Variants in DMD observed in about 807,000 individuals in gnomAD.
DMD encodes dystrophin, also known as mutant dystrophin.
In DMD, 63 loss-of-function variants were observed where a neutral mutation model predicts 330.1. The ratio of observed to expected loss-of-function variants is 0.19; its 90% confidence interval spans 0.16 to 0.24. The LOEUF is 0.24. Ranked by LOEUF, DMD falls within the 10% of genes least tolerant of loss-of-function variation. The probability of loss-of-function intolerance (pLI) is 1.00; values close to 1 mark genes in which losing one functional copy is unlikely to be tolerated. For missense variants in DMD, 3,344 were observed against 2,684.1 expected, an observed-to-expected ratio of 1.25 and a Z score of -5.43; for synonymous variants, 1,223 against 959.8, an observed-to-expected ratio of 1.27 and a Z score of -5.07.
In DMD at chrX:31,444,489, G is replaced by A. The variant is rs749533073; in HGVS notation, c.9076C>T (p.Leu3026Phe). The A allele has an allele frequency of 6.6e-6, 8 of 1,209,798 alleles. No homozygotes were observed. In the South Asian group the frequency reaches 1.4e-4, roughly 21 times the overall value. Reference protein sequence around the residue: ...TLEDLNTRWKLLQVAVEDRVR... With the variant: ...TLEDLNTRWKFLQVAVEDRVR... ...GTTTACAATGTGCTTACCTGCAGAAGCTTCCATCTGGTGTTCAGGTCTTCC... is the reference window on the plus strand; with the variant it reads ...GTTTACAATGTGCTTACCTGCAGAAACTTCCATCTGGTGTTCAGGTCTTCC... Residue 3026 changes from leucine to phenylalanine, a missense_variant, in exon 60 of 79, where the codon CTT (leucine) becomes TTT (phenylalanine). Transcript: ENST00000357033.
At chrX:32,204,298 A>C (rs1407763303) in intron 44 of DMD, among the ~76,000 whole-genome samples, 1 of 112,242 alleles carries the variant, frequency 8.9e-6, no homozygotes, top group Non-Finnish European at 1.9e-5. Context: ...TTATAAGAAT[A>C]CCTTTTCTAC....
chrX:32,820,485 AGCAAGT>A lies in DMD; in HGVS notation c.357+2804_357+2809del, dbSNP rs1419267280. On this transcript the variant is annotated intron_variant, in intron 5 of 78. Transcript: ENST00000357033. ...AATAATAATAAATGAACAACTTGCAAGCAAGTGAAGAAATTATCAGACATAATAGTC... is the reference window on the plus strand; with the variant it reads ...AATAATAATAAATGAACAACTTGCAAGAAGAAATTATCAGACATAATAGTC... Among the ~76,000 whole-genome samples the A allele has an allele frequency of 2.7e-5, 3 of 112,140 alleles. No homozygotes were observed. The East Asian group carries it at 8.4e-4, about 31-fold the overall frequency.
At chrX:32,964,814 A>T (rs1431947829) in intron 2 of DMD, among the ~76,000 whole-genome samples, 3 of 112,508 alleles carry the variant, frequency 2.7e-5, no homozygotes, top group African/African-American at 9.7e-5. Flanking sequence ...CTCATAATGA[A>T]ATAATCAATC....
At chrX:32,929,322 T>C (rs376126582) in intron 2 of DMD, among the ~76,000 whole-genome samples, 1 of 111,432 alleles carries the variant, frequency 9.0e-6, no homozygotes, top group African/African-American at 3.3e-5. Context: ...GTGTGCAGTG[T>C]AGCAGAGCTG....
intron 74 of DMD, among the ~76,000 whole-genome samples, chrX:31,159,464 G>C (rs1003639085): frequency 9.0e-6 from 1 of 111,559 alleles, no homozygotes; most frequent in Non-Finnish European, 1.9e-5. Flanking sequence ...AAAATAAAAT[G>C]GGTGAGTTTA....
intron 29 of DMD, among the ~76,000 whole-genome samples, chrX:32,427,260 G>A (rs73467634): frequency 9.0e-6 from 1 of 111,160 alleles, no homozygotes; most frequent in Non-Finnish European, 1.9e-5. Context: ...AACGGTGTTG[G>A]GTAGCTTTGA....
chrX:32,335,889 T>A (rs1442048111), intron 41 of DMD, among the ~76,000 whole-genome samples: 1 of 105,913 alleles, frequency 9.4e-6, no homozygotes, highest in East Asian at 3.0e-4. Context: ...ATGTTATATA[T>A]AACATGTTAT....
chrX:32,429,183 T>C (rs2098225482), intron 29 of DMD, among the ~76,000 whole-genome samples: 1 of 103,449 alleles, frequency 9.7e-6, no homozygotes, highest in African/African-American at 3.5e-5. Flanking sequence ...TACAGATGTA[T>C]TTTTTTTTTC....
intron 29 of DMD, among the ~76,000 whole-genome samples, chrX:32,437,173 A>T (rs1465805816): frequency 8.9e-6 from 1 of 112,225 alleles, no homozygotes; most frequent in Non-Finnish European, 1.9e-5. Flanking sequence ...TAGTGCAACA[A>T]TGATGAAGGA....
Position 32,721,772 on chromosome X carries a change from CAGAG to C in DMD, c.650-22483_650-22480del, listed in dbSNP as rs1282036485. Among the ~76,000 whole-genome samples, 21 of 110,913 alleles carry C rather than the reference CAGAG, an allele frequency of 1.9e-4. No homozygotes were observed. In the South Asian group the frequency reaches 6.5e-3, roughly 34 times the overall value. The stretch of plus-strand genomic sequence containing the variant: ...AAAAAATCCTTGCAAAGGCGACTGT[CAGAG>C]AGCTTTTTCCTCTCTGTTTTCTTCT... On this transcript the variant is annotated intron_variant, in intron 7 of 78. Transcript: ENST00000357033.
At chrX:32,834,787 T>C (rs1603444105) in intron 4 of DMD, among the ~76,000 whole-genome samples, 2 of 111,894 alleles carry the variant, frequency 1.8e-5, no homozygotes, top group South Asian at 3.7e-4. Flanking sequence ...TCAGTTAATA[T>C]TAAATTATAT....
chrX:32,381,786 C>T (rs763490441), intron 33 of DMD, among the ~76,000 whole-genome samples: 1 of 110,796 alleles, frequency 9.0e-6, no homozygotes, highest in South Asian at 3.7e-4. Context: ...TATGTGTTTT[C>T]ACCTTTTTTT....
chrX:32,866,728 G>T lies in DMD; in HGVS notation c.94-16908C>A, dbSNP rs867243128. 7.4e-4 allele frequency among the ~76,000 whole-genome samples: 23 copies of T among 31,009 alleles called. 1 individual carries two copies. Among genetic ancestry groups the T allele is most frequent in the Non-Finnish European group, 1.2e-3 (19 of 16,424 alleles). The allele number at this position is 31,009 out of a possible 115,157, so 26.9% of individuals were successfully genotyped here. ...ATACATACACACACTTTTTTTTGGG[G>T]GGGGGTGGGGGGGTGGGGGGGGGGG... On this transcript the variant is annotated intron_variant, in intron 2 of 78. Coordinates refer to ENST00000357033, the MANE Select transcript of DMD (RefSeq NM_004006.3).
intron 47 of DMD, among the ~76,000 whole-genome samples, chrX:31,921,646 A>T (rs192952102): frequency 8.9e-6 from 1 of 112,387 alleles, no homozygotes; most frequent in Admixed American, 9.4e-5. Flanking sequence ...TTAATCTAAC[A>T]TTTTTTGAGC....
chrX:33,031,621 A>C (rs955646189), intron 1 of DMD, among the ~76,000 whole-genome samples: 60 of 110,812 alleles, frequency 5.4e-4, no homozygotes, highest in African/African-American at 1.9e-3. Flanking sequence ...AAATAAAAAG[A>C]TTAGCCGGGC....
intron 63 of DMD, among the ~76,000 whole-genome samples, chrX:31,258,998 A>G (rs184580232): frequency 2.3e-4 from 25 of 111,084 alleles, no homozygotes; most frequent in East Asian, 2.0e-3. Flanking sequence ...TTCTATAAAA[A>G]TATATGTATA....
chrX:32,665,106 T>C (rs1168945532), intron 9 of DMD, among the ~76,000 whole-genome samples: 1 of 112,401 alleles, frequency 8.9e-6, no homozygotes, highest in Non-Finnish European at 1.9e-5. Context: ...TAGCATACTG[T>C]AAAAACTTAA....
At chrX:31,540,416 G>A (rs1030691624) in intron 55 of DMD, among the ~76,000 whole-genome samples, 1 of 112,012 alleles carries the variant, frequency 8.9e-6, no homozygotes, top group Admixed American at 9.5e-5. Context: ...CCCTTCATTT[G>A]GAGATTTTAT....
chrX:31,711,958 T>G (rs1186307165), intron 52 of DMD, among the ~76,000 whole-genome samples: 2 of 111,171 alleles, frequency 1.8e-5, no homozygotes, highest in Non-Finnish European at 3.8e-5. Flanking sequence ...TATACATATA[T>G]AGTATATACA....
Sources: allele counts gnomAD v4.1 joint callset (sites outside exome capture counted in the v4.1 genomes callset), GRCh38; gene constraint gnomAD v4.1.1; transcripts MANE v1.5; gene names NCBI Gene and HGNC (gene_info 2026-07-23, HGNC 2026-07-21).